The following NFAT5 variants were observed in gnomAD, a reference collection of about 807,000 sequenced individuals.
The protein encoded by NFAT5 is nuclear factor of activated T-cells 5.
A neutral mutation model predicts 166.5 loss-of-function variants in NFAT5; 31 were observed. That is an observed-to-expected ratio of 0.19 (90% confidence interval 0.14 to 0.25). NFAT5 has a LOEUF of 0.25. NFAT5 is among the 10% of genes least tolerant of loss of function. NFAT5 has a pLI of 1.00. For synonymous variants in NFAT5, 612 were observed against 639.7 expected (o/e 0.96, Z 0.65); for missense variants, 1,449 against 1,821.8 (o/e 0.80, Z 3.72).
chr16:69,611,006 A>G (rs2033682472), intron 2 of NFAT5, among the ~76,000 whole-genome samples: 1 of 152,192 alleles, frequency 6.6e-6, no homozygotes, highest in Non-Finnish European at 1.5e-5. Flanking sequence ...GTACCTATGC[A>G]CACGAAATGA....
At chr16:69,579,674 T>G (rs1014738128) in intron 2 of NFAT5, among the ~76,000 whole-genome samples, 5 of 152,122 alleles carry the variant, frequency 3.3e-5, no homozygotes, top group Admixed American at 1.3e-4. Flanking sequence ...AAAAAAATAG[T>G]GCATACTAAA....
intron 7 of NFAT5, among the ~76,000 whole-genome samples, chr16:69,669,644 C>T (rs530803986): frequency 1.3e-5 from 2 of 152,270 alleles, no homozygotes; most frequent in Non-Finnish European, 1.5e-5. Flanking sequence ...CTAAATGATA[C>T]TGCAATAACA....
intron 2 of NFAT5, among the ~76,000 whole-genome samples, chr16:69,591,731 G>A (rs2032473207): frequency 6.6e-6 from 1 of 152,130 alleles, no homozygotes; most frequent in Non-Finnish European, 1.5e-5. Flanking sequence ...GAAATTGAAA[G>A]TTGGCTTGGC....
At chr16:69,594,844 C>T (rs1205284446) in intron 2 of NFAT5, among the ~76,000 whole-genome samples, 2 of 152,090 alleles carry the variant, frequency 1.3e-5, no homozygotes, top group African/African-American at 4.8e-5. Flanking sequence ...CACAATAGGT[C>T]ATCTGCAAGC....
At chr16:69,571,604 A>C (rs1410569840) in intron 2 of NFAT5, among the ~76,000 whole-genome samples, 1 of 152,124 alleles carries the variant, frequency 6.6e-6, no homozygotes, top group Non-Finnish European at 1.5e-5. Flanking sequence ...ATCTATAAAT[A>C]GTATTTAAAA....
intron 2 of NFAT5, among the ~76,000 whole-genome samples, chr16:69,611,184 C>T (rs140830609): frequency 6.3e-4 from 95 of 151,996 alleles, no homozygotes; most frequent in African/African-American, 1.8e-3. Flanking sequence ...TGTATGTTTA[C>T]AAGGACATGA....
chr16:69,650,970 G>T (rs2035639809), intron 4 of NFAT5, among the ~76,000 whole-genome samples: 1 of 152,064 alleles, frequency 6.6e-6, no homozygotes, highest in Non-Finnish European at 1.5e-5. Context: ...AGAAAAACAG[G>T]GTTTACTGCC....
intron 2 of NFAT5, among the ~76,000 whole-genome samples, chr16:69,623,792 C>T (rs1301881359): frequency 6.6e-6 from 1 of 151,076 alleles, no homozygotes; most frequent in Non-Finnish European, 1.5e-5. Flanking sequence ...CAGGCATGAG[C>T]CACCACACCT....
intron 2 of NFAT5, 129 bp downstream of exon 2, chr16:69,568,677 CCTT>C (rs1248623094): frequency 1.6e-6 from 1 of 622,422 alleles, no homozygotes; most frequent in Non-Finnish European, 2.6e-6. Flanking sequence ...AGAGTCTGAT[CCTT>C]CTTTTAGAGC....
intron 2 of NFAT5, among the ~76,000 whole-genome samples, chr16:69,600,678 G>A (rs2033079086): frequency 6.8e-6 from 1 of 147,210 alleles, no homozygotes. Flanking sequence ...ACAGTCATTT[G>A]CCAAGAATGA....
At chr16:69,609,014 G>A (rs1418968196) in intron 2 of NFAT5, among the ~76,000 whole-genome samples, 3 of 151,246 alleles carry the variant, frequency 2.0e-5, no homozygotes, top group South Asian at 2.1e-4. Context: ...GCAGCTACTC[G>A]GGAGGCTGAG....
chr16:69,645,017 G>A (rs1474366599), intron 3 of NFAT5, among the ~76,000 whole-genome samples: 3 of 152,036 alleles, frequency 2.0e-5, no homozygotes, highest in Non-Finnish European at 2.9e-5. Context: ...AATTAGTTTC[G>A]TTTTTGCCAA....
intron 9 of NFAT5, among the ~76,000 whole-genome samples, chr16:69,671,021 T>C (rs554880983): frequency 1.3e-5 from 2 of 152,336 alleles, no homozygotes; most frequent in African/African-American, 4.8e-5. Context: ...AAATAGAAGA[T>C]GCAAAAATTA....
chr16:69,695,458 G>T (rs1325850463), intron 14 of NFAT5, 79 bp downstream of exon 14: 1 of 957,052 alleles, frequency 1.0e-6, no homozygotes, highest in Non-Finnish European at 1.6e-6. Context: ...AGTAATAGTA[G>T]TTCTAATCTT....
At chr16:69,621,599 A>T (rs2034200835) in intron 2 of NFAT5, among the ~76,000 whole-genome samples, 1 of 152,194 alleles carries the variant, frequency 6.6e-6, no homozygotes, top group Non-Finnish European at 1.5e-5. Context: ...TTTAAAAGAT[A>T]ACATAAGAAA....
intron 2 of NFAT5, among the ~76,000 whole-genome samples, chr16:69,590,439 A>G (rs1413249935): frequency 6.6e-6 from 1 of 152,240 alleles, no homozygotes; most frequent in Non-Finnish European, 1.5e-5. Flanking sequence ...TTTAAAGTAT[A>G]AGGCAGTTCT....
rs766090865 is a variant in NFAT5, at chr16:69,641,466, T to C, written c.254-5562T>C. On this transcript the variant is annotated intron_variant, in intron 3 of 14. Transcript: ENST00000349945. Reference sequence around the variant, plus strand: ...TCAATTTTGCACAGATGTTGAAAAATTATAAAATATGTACATATTCAAATG... The same window carrying C: ...TCAATTTTGCACAGATGTTGAAAAACTATAAAATATGTACATATTCAAATG... 5.9e-4 allele frequency among the ~76,000 whole-genome samples: 90 copies of C among 152,114 alleles called. No individual in the cohort carries two copies. The Middle Eastern group carries it at 0.01, about 17-fold the overall frequency.
chr16:69,699,570 C>T lies in NFAT5; in HGVS notation c.*3219C>T, dbSNP rs1597586116. ...CAATTTGGCTACGAAGAGTATTCAT[C>T]TTCTTTGAAGCTCAGTGGTTGATAT... is the stretch of plus-strand genomic sequence containing the variant. On this transcript the variant is annotated 3_prime_UTR_variant, in exon 15 of 15. Coordinates refer to ENST00000349945, the MANE Select transcript of NFAT5 (RefSeq NM_138713.4). The T allele has an allele frequency of 6.6e-6, 1 of 152,586 alleles. No homozygotes were observed. Among genetic ancestry groups the T allele is most frequent in the East Asian group, 1.9e-4 (1 of 5,202 alleles). The allele number at this position is 152,586 out of a possible 1,614,324, so 9.5% of individuals were successfully genotyped here. A position where few individuals can be genotyped will look rare whatever the true frequency, so the allele number is the denominator to read the frequency against.
At chr16:69,624,508 GTAA>G (rs2034356991) in intron 2 of NFAT5, among the ~76,000 whole-genome samples, 3 of 152,048 alleles carry the variant, frequency 2.0e-5, no homozygotes, top group Admixed American at 6.6e-5. Context: ...CCTGGCCCAG[GTAA>G]CAGCATTTTT....
Sources: gnomAD v4.1 joint callset for allele counts (sites outside exome capture counted in the v4.1 genomes callset) on GRCh38, gnomAD v4.1.1 for gene constraint, MANE v1.5 for transcripts, NCBI Gene and HGNC (gene_info 2026-07-23, HGNC 2026-07-21) for gene names.